TMX3: variants seen among roughly 807,000 people sequenced by gnomAD.
TMX3 encodes the protein thioredoxin related transmembrane protein 3, also known as protein disulfide-isomerase TMX3.
Under a neutral mutation model 64.4 loss-of-function variants are expected in TMX3, and 40 were observed. The ratio of observed to expected loss-of-function variants is 0.62; its 90% CI spans 0.48 to 0.81. The LOEUF is 0.81. Ranked by LOEUF, TMX3 falls within the 30% of genes least tolerant of loss-of-function variation. TMX3 has a pLI of 0.00. For missense variants in TMX3, 497 were observed against 534.5 expected, an observed-to-expected ratio of 0.93 and a Z score of 0.69; for synonymous variants, 189 against 175.7, an observed-to-expected ratio of 1.08 and a Z score of -0.60.
intron 3 of TMX3, 152 bp from the exon 4 acceptor site, chr18:68,710,296 G>C: frequency 1.3e-6 from 1 of 748,502 alleles, no homozygotes; most frequent in Non-Finnish European, 1.9e-6. Flanking sequence ...TTTTAAAGTA[G>C]ATACATAATG....
In TMX3 at chr18:68,688,787, A is replaced by G. The variant is rs547030151; in HGVS notation, c.638-1022T>C. On this transcript the variant is annotated intron_variant, in intron 9 of 15. Transcript: ENST00000299608. The stretch of plus-strand genomic sequence containing the variant: ...TTCTACGAGATTGCATACAGTGATC[A>G]ATTTGAATTTCATTCGAAAATAAAC... 5 of 152,246 alleles carry G rather than the reference A, an allele frequency of 3.3e-5. No individual in the cohort carries two copies. In the South Asian group the frequency reaches 1.0e-3, roughly 31 times the overall value. 9.4% of individuals were successfully genotyped at this position (152,246 alleles called of 1,614,324 possible).
At position 68,681,013 on chromosome 18, in the gene TMX3, A is replaced by C; in HGVS notation, c.1003T>G (p.Phe335Val). Residue 335 changes from phenylalanine to valine, a missense_variant, in exon 14 of 16, where the codon TTT becomes GTT. By Grantham distance (50) the Phe-to-Val change is conservative. Around this residue, in one of 3 missense-constraint regions of TMX3, gnomAD observed 43 missense variants for 75.3 expected, o/e 0.57. Transcript: ENST00000299608. ...GTGCCATCCAAAATGTTATTAATAA[A>C]CTGGACCATGTCTTCAACATTCTTA... ...QIKNVEDMVQ[F>V]INNILDGTVE... 2 of 1,598,682 alleles carry C rather than the reference A, an allele frequency of 1.3e-6. No individual in the cohort carries two copies. Among genetic ancestry groups the C allele is most frequent in the Non-Finnish European group, 1.7e-6 (2 of 1,173,478 alleles).
At chr18:68,693,273 C>T (rs886408027) in intron 8 of TMX3, among the ~76,000 whole-genome samples, 6 of 152,258 alleles carry the variant, frequency 3.9e-5, no homozygotes, top group Middle Eastern at 3.4e-3. Flanking sequence ...CTGCACGCTC[C>T]GTGGAGCCAG....
intron 14 of TMX3, 105 bp from the exon 15 acceptor site, chr18:68,679,636 T>C (rs1488291068): frequency 3.4e-6 from 3 of 879,428 alleles, no homozygotes; most frequent in Non-Finnish European, 5.2e-6. Context: ...CTCCAAAATA[T>C]TACATAATCA....
intron 9 of TMX3, 78 bp downstream of exon 9, chr18:68,691,217 A>G (rs1914486877): frequency 5.9e-6 from 6 of 1,022,624 alleles, no homozygotes; most frequent in Non-Finnish European, 8.5e-6. Context: ...AAGCATTTAC[A>G]TAATCTTTAC....
chr18:68,701,142 G>T, intron 5 of TMX3: 2 of 494,344 alleles, frequency 4.0e-6, no homozygotes, highest in Non-Finnish European at 5.2e-6. Context: ...AAAAGTGGGG[G>T]AAGGAAAAAG....
Position 68,676,853 on chromosome 18 carries a change from TC to T in TMX3, c.*79del. On this transcript the variant is annotated 3_prime_UTR_variant, in exon 16 of 16. Coordinates refer to ENST00000299608, the MANE Select transcript of TMX3 (RefSeq NM_019022.5). The stretch of plus-strand genomic sequence containing the variant: ...AATAACATGTTCTTTTCTGTAAAGA[TC>T]ATGATTAAATGTCTAAATTCAATAA... 6.7e-7 allele frequency: 1 copy of T among 1,494,844 alleles called. No homozygotes were observed. Among genetic ancestry groups the T allele is most frequent in the Non-Finnish European group, 9.0e-7 (1 of 1,112,366 alleles). The allele number at this position is 1,494,844 out of a possible 1,614,324, so 92.6% of individuals were successfully genotyped here. A position where few individuals can be genotyped will look rare whatever the true frequency, so the allele number is the denominator to read the frequency against.
Position 68,676,680 on chromosome 18 carries a change from T to C in TMX3, c.*253A>G, listed in dbSNP as rs566315624. ...CAGATAGAGAAACATGCAAATAGAA[T>C]TGTTCTGTTCTAATCACAAAGATCA... On this transcript the variant is annotated 3_prime_UTR_variant, in exon 16 of 16. Transcript: ENST00000299608. The C allele has an allele frequency of 9.1e-6, 4 of 440,668 alleles. No individual in the cohort carries two copies. Among genetic ancestry groups the C allele is most frequent in the South Asian group, 7.8e-5 (2 of 25,556 alleles). The allele number at this position is 440,668 out of a possible 1,614,324, so 27.3% of individuals were successfully genotyped here.
At chr18:68,698,996 T>A (rs1219858945) in intron 6 of TMX3, among the ~76,000 whole-genome samples, 4 of 147,862 alleles carry the variant, frequency 2.7e-5, no homozygotes, top group African/African-American at 7.6e-5. Flanking sequence ...CAGTCCAGCC[T>A]GGGCGAAAGA....
At chr18:68,680,857 A>C (rs1913352724) in intron 14 of TMX3, 124 bp downstream of exon 14, 5 of 825,246 alleles carry the variant, frequency 6.1e-6, no homozygotes, top group Non-Finnish European at 7.0e-6. Context: ...CAATGTATGG[A>C]GGTCCAGCCC....
intron 2 of TMX3, among the ~76,000 whole-genome samples, chr18:68,712,898 G>A (rs1396660113): frequency 6.6e-6 from 1 of 151,576 alleles, no homozygotes; most frequent in Non-Finnish European, 1.5e-5. Flanking sequence ...GCACCCATTT[G>A]GTCATGCCAT....
intron 6 of TMX3, among the ~76,000 whole-genome samples, chr18:68,698,449 T>C (rs1915329608): frequency 6.6e-6 from 1 of 152,194 alleles, no homozygotes; most frequent in Admixed American, 6.5e-5. Flanking sequence ...GAATATACAG[T>C]ACTTCATTAA....
chr18:68,709,364 T>C (rs1273909209), intron 4 of TMX3, among the ~76,000 whole-genome samples: 2 of 152,178 alleles, frequency 1.3e-5, no homozygotes, highest in Non-Finnish European at 2.9e-5. Flanking sequence ...ATAAATATTT[T>C]AGGCTTTCTG....
chr18:68,678,475 G>C (rs770093999), intron 15 of TMX3, among the ~76,000 whole-genome samples: 5 of 152,082 alleles, frequency 3.3e-5, no homozygotes, highest in African/African-American at 4.8e-5. Context: ...GGGAGGAAAG[G>C]GATGCTGAAA....
rs554501704 is a variant in TMX3, at chr18:68,701,435, C to A, written c.311+310G>T. On this transcript the variant is annotated intron_variant, in intron 5 of 15. Transcript: ENST00000299608. Reference sequence around the variant, plus strand: ...TCATCAACTTTGATTCTGTTTTTATCTCACAATCCACACTTGAACTCCTCA... The same window carrying A: ...TCATCAACTTTGATTCTGTTTTTATATCACAATCCACACTTGAACTCCTCA... Among the ~76,000 whole-genome samples, 4 of 152,224 alleles carry A rather than the reference C, an allele frequency of 2.6e-5. No homozygotes were observed. In the East Asian group the frequency reaches 7.7e-4, roughly 29 times the overall value.
intron 5 of TMX3, chr18:68,700,834 T>C: frequency 1.0e-6 from 1 of 984,834 alleles, no homozygotes; most frequent in East Asian, 1.1e-4. Flanking sequence ...AAAAGGTAAA[T>C]GAAAGGACAG....
rs1051983217 is a variant in TMX3, at chr18:68,685,206, A to C, written c.737-721T>G. Among the ~76,000 whole-genome samples the C allele has an allele frequency of 5.3e-5, 8 of 152,218 alleles. No individual in the cohort carries two copies. In the East Asian group the frequency reaches 1.3e-3, roughly 26 times the overall value. ...CCTCAGTAAACTTCAACTTATTTCC[A>C]AAAACTAATATATATTTCATAGAGT... On this transcript the variant is annotated intron_variant, in intron 10 of 15. Transcript: ENST00000299608.
At chr18:68,697,350 C>T (rs1915197965) in intron 7 of TMX3, 47 bp from the exon 8 acceptor site, 1 of 1,133,522 alleles carries the variant, frequency 8.8e-7, no homozygotes, top group Non-Finnish European at 1.3e-6. Context: ...ATATTAAAGG[C>T]CAAAATTCAT....
rs1427409460 is a variant in TMX3 at position 68,715,013 on chromosome 18, T to C, written c.-32A>G. ...CCGGGAGAGCTGCAGAAGCTGACTG[T>C]GCAAAAGAGGGATAAAGACACTGGG... On this transcript the variant is annotated 5_prime_UTR_variant, in exon 1 of 16. Coordinates refer to ENST00000299608, the MANE Select transcript of TMX3 (RefSeq NM_019022.5). 1 of 1,558,112 alleles carries C rather than the reference T, an allele frequency of 6.4e-7. No individual in the cohort carries two copies. Among genetic ancestry groups the C allele is most frequent in the African/African-American group, 1.4e-5 (1 of 72,794 alleles).
Sources: gnomAD v4.1 joint callset for allele counts (sites outside exome capture counted in the v4.1 genomes callset) on GRCh38, gnomAD v4.1.1 for gene constraint, gnomAD v4.1.1 regional missense constraint, MANE v1.5 for transcripts, NCBI Gene and HGNC (gene_info 2026-07-23, HGNC 2026-07-21) for gene names.